Variants in HLX observed in about 807,000 individuals in gnomAD.
HLX encodes the protein H2.0-like homeobox protein.
In HLX, 6 loss-of-function variants were observed where a neutral mutation model predicts 27.7. The observed-to-expected ratio is 0.22, with a 90% CI of 0.12 to 0.43. The LOEUF is 0.43. Among genes scored for constraint, HLX ranks in the 20% least tolerant of loss-of-function variants. HLX has a pLI of 1.00. For missense variants in HLX, 666 were observed against 655.2 expected (o/e 1.02, Z -0.18); for synonymous variants, 328 against 293.8 (o/e 1.12, Z -1.19).
chr1:220,882,436 A>G (rs1360328243), intron 3 of HLX, 88 bp downstream of exon 3: 1 of 1,237,596 alleles, frequency 8.1e-7, no homozygotes, highest in Non-Finnish European at 1.2e-6. Flanking sequence ...ATCCCGGCCG[A>G]CTGGCCTCCT....
Position 220,884,623 on chromosome 1 carries a change from G to C in HLX, c.1386G>C (p.Glu462Asp). 6.2e-7 allele frequency: 1 copy of C among 1,609,798 alleles called. No individual in the cohort carries two copies. The highest frequency in any genetic ancestry group is 8.5e-7 in the Non-Finnish European group (1 of 1,178,698). Residue 462 changes from glutamate to aspartate, a missense_variant, in exon 4 of 4, where the codon GAG (glutamate) becomes GAC (aspartate). Physicochemically the swap from Glu to Asp is conservative, Grantham distance 45 (BLOSUM62 2). Coordinates refer to ENST00000366903, the MANE Select transcript of HLX (RefSeq NM_021958.4). The surrounding 1 kb of genome is among the most constrained non-coding windows in gnomAD (Gnocchi z 4.9). ...ASSLGGGGAS[E>D]LLPATQPTAS... is the part of the protein sequence containing the mutation. ...GCCTTGGCGGCGGCGGCGCCTCGGA[G>C]CTTCTCCCTGCAACACAGCCCACAG...
In HLX at chr1:220,884,296, T is replaced by A; in HGVS notation, c.1059T>A (p.Gly353=). ...AGGAGGCTGGCGAGAAGCCATCAGG[T>A]GGAGCCCCGGCTGCGGATGGCGAGC... ...KDKEAGEKPS[G]GAPAADGEQD... The change falls in exon 4 of 4, where the codon GGT becomes GGA. Residue 353 remains glycine, a synonymous_variant. Coordinates refer to ENST00000366903, the MANE Select transcript of HLX (RefSeq NM_021958.4). This position sits in a 1 kb window ranked among gnomAD's most constrained non-coding sequence, Gnocchi z 4.9. 1.2e-6 allele frequency: 2 copies of A among 1,613,662 alleles called. No individual in the cohort carries two copies. Among genetic ancestry groups the A allele is most frequent in the South Asian group, 2.2e-5 (2 of 91,040 alleles).
In HLX at chr1:220,879,478, T is replaced by C. The variant is rs1166658496; in HGVS notation, c.-380T>C. On this transcript the variant is annotated 5_prime_UTR_variant, in exon 1 of 4. Coordinates refer to ENST00000366903, the MANE Select transcript of HLX (RefSeq NM_021958.4). ...CCCCCCCCTAACTAACGGACTATTA[T>C]TGTTGTTGTTTTAAATTTAGCTCTT... 9.1e-6 allele frequency: 2 copies of C among 219,844 alleles called. No homozygotes were observed. Among genetic ancestry groups the C allele is most frequent in the African/African-American group, 4.6e-5 (2 of 43,260 alleles). The allele number at this position is 219,844 out of a possible 1,614,324, so 13.6% of individuals were successfully genotyped here. A position where few individuals can be genotyped will look rare whatever the true frequency, so the allele number is the denominator to read the frequency against.
chr1:220,884,174 T>C lies in HLX; in HGVS notation c.958-21T>C. The C allele has an allele frequency of 1.2e-6, 2 of 1,613,386 alleles. No homozygotes were observed. Among genetic ancestry groups the C allele is most frequent in the South Asian group, 2.2e-5 (2 of 90,954 alleles). On this transcript the variant is annotated intron_variant, in intron 3 of 3. Coordinates refer to ENST00000366903, the MANE Select transcript of HLX (RefSeq NM_021958.4). The surrounding 1 kb of genome is among the most constrained non-coding windows in gnomAD (Gnocchi z 4.9). ...TCTCATCTCGGTGTCTCTTCTTGTCTCCCGGTGTGGCGCGGCGCAGGTGAA... is the reference window on the plus strand; with the variant it reads ...TCTCATCTCGGTGTCTCTTCTTGTCCCCCGGTGTGGCGCGGCGCAGGTGAA...
At chr1:220,881,029 T>A in intron 1 of HLX, 165 bp from the exon 2 acceptor site, 1 of 671,874 alleles carries the variant, frequency 1.5e-6, no homozygotes, top group Non-Finnish European at 2.7e-6. Context: ...CGTGCGTCGC[T>A]CCTTGGCAAC....
Position 220,885,015 on chromosome 1 carries a change from G to A in HLX, c.*311G>A. On this transcript the variant is annotated 3_prime_UTR_variant, in exon 4 of 4. Transcript: ENST00000366903. The stretch of plus-strand genomic sequence containing the variant: ...AGAGGTCGTGGCTCAAAGGCACTTA[G>A]GACGCCTTAAATTTGTAAATAAAAT... 2.2e-6 allele frequency: 1 copy of A among 447,318 alleles called. No homozygotes were observed. Among genetic ancestry groups the A allele is most frequent in the South Asian group, 3.7e-5 (1 of 27,286 alleles). 27.7% of individuals were successfully genotyped at this position (447,318 alleles called of 1,614,324 possible). A position where few individuals can be genotyped will look rare whatever the true frequency, so the allele number is the denominator to read the frequency against.
Position 220,879,666 on chromosome 1 carries a change from C to T in HLX, c.-192C>T. The T allele has an allele frequency of 1.1e-6, 1 of 898,492 alleles. No individual in the cohort carries two copies. Among genetic ancestry groups the T allele is most frequent in the Admixed American group, 3.8e-5 (1 of 26,234 alleles). 55.7% of individuals were successfully genotyped at this position (898,492 alleles called of 1,614,324 possible). A position where few individuals can be genotyped will look rare whatever the true frequency, so the allele number is the denominator to read the frequency against. ...GCCAGGGAGCGAGGCGGTGACCGGC[C>T]GAGATCCGGCCCTCGCCTCCTCCCT... On this transcript the variant is annotated 5_prime_UTR_variant, in exon 1 of 4. Transcript: ENST00000366903.
rs980746405 is a variant in HLX at position 220,884,619 on chromosome 1, C to T, written c.1382C>T (p.Ser461Leu). 10 of 1,608,794 alleles carry T rather than the reference C, an allele frequency of 6.2e-6. No individual in the cohort carries two copies. Among genetic ancestry groups the T allele is most frequent in the African/African-American group, 5.3e-5 (4 of 74,854 alleles). The stretch of plus-strand genomic sequence containing the variant: ...AGCAGCCTTGGCGGCGGCGGCGCCT[C>T]GGAGCTTCTCCCTGCAACACAGCCC... ...CASSLGGGGA[S>L]ELLPATQPTA... Residue 461 changes from serine to leucine, a missense_variant, in exon 4 of 4, where the codon TCG becomes TTG. Transcript: ENST00000366903. The surrounding 1 kb of genome is among the most constrained non-coding windows in gnomAD (Gnocchi z 4.9).
Position 220,880,266 on chromosome 1 carries a change from C to A in HLX, c.409C>A (p.Gln137Lys). 1 of 1,613,400 alleles carries A rather than the reference C, an allele frequency of 6.2e-7. No individual in the cohort carries two copies. Among genetic ancestry groups the A allele is most frequent in the Non-Finnish European group, 8.5e-7 (1 of 1,179,552 alleles). The change falls in exon 1 of 4, where the codon CAG (glutamine) becomes AAG (lysine). Residue 137 changes from glutamine (Q) to lysine (K), a missense_variant. Transcript: ENST00000366903. ...GCAGCAGCAACAGCCGCAGCAGCAA[C>A]AGCCTCCGCCTCCGCCCCGGGCTGG... The part of the protein sequence containing the change: ...QQQQQQPQQQ[Q>K]PPPPPRAGAL...
Position 220,884,099 on chromosome 1 carries a change from C to A in HLX, c.958-96C>A. On this transcript the variant is annotated intron_variant, in intron 3 of 3. Transcript: ENST00000366903. This position sits in a 1 kb window ranked among gnomAD's most constrained non-coding sequence, Gnocchi z 4.9. ...GCCAAGTAAGCGTTGCTTTTTCACT[C>A]AGGGAGGTGGCTTGAGGGTGCACGC... 1 of 1,282,080 alleles carries A rather than the reference C, an allele frequency of 7.8e-7. No homozygotes were observed. Among genetic ancestry groups the A allele is most frequent in the Non-Finnish European group, 1.1e-6 (1 of 889,000 alleles). 79.4% of individuals were successfully genotyped at this position (1,282,080 alleles called of 1,614,324 possible). A position where few individuals can be genotyped will look rare whatever the true frequency, so the allele number is the denominator to read the frequency against.
intron 1 of HLX, 114 bp downstream of exon 1, chr1:220,880,563 G>A (rs917184443): frequency 1.8e-6 from 2 of 1,131,054 alleles, no homozygotes; most frequent in Non-Finnish European, 2.7e-6. Flanking sequence ...TCGGTAAAAC[G>A]GGAGAGAAGA....
At chr1:220,881,129 A>C in intron 1 of HLX, 65 bp from the exon 2 acceptor site, 1 of 1,402,560 alleles carries the variant, frequency 7.1e-7, no homozygotes, top group Non-Finnish European at 1.0e-6. Flanking sequence ...AAGGGGAGGA[A>C]CAAATCAGCG....
chr1:220,882,383 C>T (rs1056349554), intron 3 of HLX, 35 bp downstream of exon 3: 2 of 1,606,226 alleles, frequency 1.2e-6, no homozygotes, highest in Non-Finnish European at 1.7e-6. Flanking sequence ...ACAGCGCCCT[C>T]GGGCGGGCAG....
In HLX at chr1:220,881,258, G is replaced by T; in HGVS notation, c.657G>T (p.Ser219=). 1 of 1,614,120 alleles carries T rather than the reference G, an allele frequency of 6.2e-7. No homozygotes were observed. The highest frequency in any genetic ancestry group is 8.5e-7 in the Non-Finnish European group (1 of 1,179,956). The change falls in exon 2 of 4, where the codon TCG becomes TCT. Residue 219 remains serine (S), a synonymous_variant. Coordinates refer to ENST00000366903, the MANE Select transcript of HLX (RefSeq NM_021958.4). ...TGCACCTCTCAGGCCTGCAGCCCTC[G>T]GCCGGCCAGTTCTTCGCATCTCTAG... ...AGVHLSGLQP[S]AGQFFASLDP...
Position 220,884,602 on chromosome 1 carries a change from T to TGGC in HLX, c.1376_1378dup (p.Gly459dup), listed in dbSNP as rs762859339. 22 of 1,606,784 alleles carry TGGC rather than the reference T, an allele frequency of 1.4e-5. No homozygotes were observed. The African/African-American group carries it at 2.1e-4, about 16-fold the overall frequency. The stretch of plus-strand genomic sequence containing the variant: ...CCAGTGCGGGTTGCGCCAGCAGCCT[T>TGGC]GGCGGCGGCGGCGCCTCGGAGCTTC... On this transcript the variant is annotated inframe_insertion, in exon 4 of 4. Transcript: ENST00000366903. The surrounding 1 kb of genome is among the most constrained non-coding windows in gnomAD (Gnocchi z 4.9).
intron 3 of HLX, 157 bp downstream of exon 3, chr1:220,882,505 C>T: frequency 4.5e-6 from 3 of 659,754 alleles, no homozygotes; most frequent in Non-Finnish European, 7.9e-6. Flanking sequence ...CAACTTGAGG[C>T]AGGAGAAGAG....
rs1357647612 is a variant in HLX, at chr1:220,880,442, G to A, written c.585G>A (p.Thr195=). ...ACCCAAAAGTCAAAGAAGGCAACAC[G>A]CTGAGAGGTAGGTCTTGGGCGGGAG... ...EFDPKVKEGN[T]LRDLTSLLTG... Residue 195 remains threonine, a synonymous_variant, in exon 1 of 4, where the codon ACG becomes ACA. Coordinates refer to ENST00000366903, the MANE Select transcript of HLX (RefSeq NM_021958.4). 6.2e-7 allele frequency: 1 copy of A among 1,613,466 alleles called. No homozygotes were observed. The highest frequency in any genetic ancestry group is 1.3e-5 in the African/African-American group (1 of 74,940).
rs970990608 is a variant in HLX at position 220,882,375 on chromosome 1, A to G, written c.957+27A>G. On this transcript the variant is annotated intron_variant, in intron 3 of 3. Coordinates refer to ENST00000366903, the MANE Select transcript of HLX (RefSeq NM_021958.4). ...TAAGGCAGTTCTGGCTCCAGCGCAC[A>G]GCGCCCTCGGGCGGGCAGCAGCGCA... 5.0e-6 allele frequency: 8 copies of G among 1,611,218 alleles called. No homozygotes were observed. The South Asian group carries it at 5.5e-5, about 11-fold the overall frequency.
chr1:220,884,974 T>G lies in HLX; in HGVS notation c.*270T>G. The stretch of plus-strand genomic sequence containing the variant: ...ACTGTGAGGTGTTTGACTAAACTGT[T>G]TCTCTGACTCGCCCCAGAGGTCGTG... On this transcript the variant is annotated 3_prime_UTR_variant, in exon 4 of 4. Transcript: ENST00000366903. The surrounding 1 kb of genome is among the most constrained non-coding windows in gnomAD (Gnocchi z 4.9). The G allele has an allele frequency of 1.8e-6, 1 of 541,608 alleles. No individual in the cohort carries two copies. Among genetic ancestry groups the G allele is most frequent in the South Asian group, 2.7e-5 (1 of 37,236 alleles). 33.6% of individuals were successfully genotyped at this position (541,608 alleles called of 1,614,324 possible). A position where few individuals can be genotyped will look rare whatever the true frequency, so the allele number is the denominator to read the frequency against.
Sources: gnomAD v4.1 joint callset for allele counts on GRCh38, gnomAD v4.1.1 for gene constraint, Gnocchi (gnomAD v3.1) non-coding constraint, MANE v1.5 for transcripts, NCBI Gene and HGNC (gene_info 2026-07-23, HGNC 2026-07-21) for gene names.